Variants in ADCY9 observed in about 807,000 individuals in gnomAD.
The protein encoded by ADCY9 is adenylate cyclase 9.
In ADCY9, 50 loss-of-function variants were observed where a neutral mutation model predicts 101.5. That is an observed-to-expected ratio of 0.49 (90% confidence interval 0.39 to 0.62). ADCY9 has a LOEUF of 0.62. Among genes scored for constraint, ADCY9 ranks in the 20% least tolerant of loss-of-function variants. The pLI is 0.00. For missense variants in ADCY9, 1,662 were observed against 1,800.4 expected, an observed-to-expected ratio of 0.92 and a Z score of 1.39; for synonymous variants, 905 against 769.3, an observed-to-expected ratio of 1.18 and a Z score of -2.92.
At chr16:4,089,760 CCTCCAGCAGGTA>C (rs2056961746) in intron 2 of ADCY9, among the ~76,000 whole-genome samples, 2 of 152,012 alleles carry the variant, frequency 1.3e-5, no homozygotes, top group Non-Finnish European at 2.9e-5. Flanking sequence ...ACATCTTCAA[CCTCCAGCAGGTA>C]CTCCAAAATT....
chr16:4,018,643 G>A (rs1404099030), intron 2 of ADCY9, among the ~76,000 whole-genome samples: 1 of 152,178 alleles, frequency 6.6e-6, no homozygotes, highest in African/African-American at 2.4e-5. Flanking sequence ...ACAGGCACAT[G>A]CTTGCTGTGA....
chr16:4,061,598 A>T (rs1209010947), intron 2 of ADCY9, among the ~76,000 whole-genome samples: 2 of 152,212 alleles, frequency 1.3e-5, no homozygotes, highest in Admixed American at 1.3e-4. Context: ...TCCAATCAAG[A>T]ATTCCATATC....
chr16:3,979,250 T>C lies in ADCY9; in HGVS notation c.2545A>G (p.Met849Val). 6.2e-7 allele frequency: 1 copy of C among 1,613,914 alleles called. No individual in the cohort carries two copies. The highest frequency in any genetic ancestry group is 8.5e-7 in the Non-Finnish European group (1 of 1,179,950). Residue 849 changes from methionine to valine, a missense_variant, in exon 8 of 11, where the codon ATG becomes GTG. Transcript: ENST00000294016. ...TCCAGCAGGCGCTTGGTGCAGGCCATGACGTCCTCCAGGAAGAACACCATC... is the reference window on the plus strand; with the variant it reads ...TCCAGCAGGCGCTTGGTGCAGGCCACGACGTCCTCCAGGAAGAACACCATC... ...IRMVFFLEDVMACTKRLLEWI... is the reference protein window; with the variant it reads ...IRMVFFLEDVVACTKRLLEWI...
Position 3,956,657 on chromosome 16 carries a change from AT to A in ADCY9, c.568-3142del, listed in dbSNP as rs71394630. On this transcript the variant is annotated intron_variant, in intron 5 of 5. Coordinates refer to the ADCY9 transcript ENST00000576936. ...AGGTGCATGCCACCACACCTGGCTA[AT>A]TTTTTTTTTTTTTTCTAGTAGAAGC... 2.8e-3 allele frequency among the ~76,000 whole-genome samples: 391 copies of A among 139,584 alleles called. 1 individual carries two copies. Among genetic ancestry groups the A allele is most frequent in the South Asian group, 0.026 (111 of 4,310 alleles). The allele number at this position is 139,584 out of a possible 152,430, so 91.6% of individuals were successfully genotyped here.
chr16:3,959,549 A>G (rs1418448016), downstream of ADCY9, among the ~76,000 whole-genome samples: 1 of 152,146 alleles, frequency 6.6e-6, no homozygotes, highest in African/African-American at 2.4e-5. Flanking sequence ...AAACCTAAGT[A>G]AAGGGAGTTT....
intron 2 of ADCY9, among the ~76,000 whole-genome samples, chr16:4,024,555 C>A (rs1215384835): frequency 2.3e-4 from 35 of 152,176 alleles, no homozygotes; most frequent in Non-Finnish European, 4.4e-5. Context: ...TCCAGGATCC[C>A]ACGCGGCTGG....
chr16:3,972,372 G>A (rs915078222), intron 10 of ADCY9, among the ~76,000 whole-genome samples: 1 of 151,944 alleles, frequency 6.6e-6, no homozygotes, highest in Non-Finnish European at 1.5e-5. Flanking sequence ...TGGGATTACA[G>A]GTGCCCGCCA....
intron 2 of ADCY9, among the ~76,000 whole-genome samples, chr16:4,037,994 C>T (rs761282109): frequency 2.0e-5 from 3 of 151,736 alleles, no homozygotes; most frequent in Non-Finnish European, 4.4e-5. Flanking sequence ...TGGGGTCTTA[C>T]TGGCACAGTG....
At chr16:4,037,232 C>T (rs1278017198) in intron 2 of ADCY9, among the ~76,000 whole-genome samples, 3 of 152,132 alleles carry the variant, frequency 2.0e-5, no homozygotes, top group East Asian at 3.8e-4. Flanking sequence ...GTGGGAGGAT[C>T]ATTTGAGCCC....
chr16:4,005,658 T>G (rs1359930473), intron 3 of ADCY9, among the ~76,000 whole-genome samples: 1 of 152,122 alleles, frequency 6.6e-6, no homozygotes, highest in African/African-American at 2.4e-5. Context: ...ATGACTAGAG[T>G]GCAATGTAGT....
intron 2 of ADCY9, among the ~76,000 whole-genome samples, chr16:4,020,578 T>C (rs1002744941): frequency 3.3e-5 from 5 of 152,138 alleles, no homozygotes; most frequent in African/African-American, 1.2e-4. Flanking sequence ...TCCCAGCACT[T>C]TGAGAGGCTG....
At chr16:4,105,940 C>A (rs1342916782) in intron 2 of ADCY9, among the ~76,000 whole-genome samples, 1 of 152,126 alleles carries the variant, frequency 6.6e-6, no homozygotes, top group Non-Finnish European at 1.5e-5. Flanking sequence ...ACTGTCGGGG[C>A]CCAGCATTTC....
intron 3 of ADCY9, among the ~76,000 whole-genome samples, chr16:4,006,151 G>C (rs1272339146): frequency 2.6e-5 from 4 of 152,190 alleles, no homozygotes; most frequent in East Asian, 1.9e-4. Context: ...GCCATGTCTG[G>C]AGACATTTTT....
chr16:4,104,071 C>T (rs1465043031), intron 2 of ADCY9, among the ~76,000 whole-genome samples: 1 of 152,168 alleles, frequency 6.6e-6, no homozygotes, highest in Non-Finnish European at 1.5e-5. Flanking sequence ...TACACGTGAC[C>T]TACAGACAAA....
At position 3,965,698 on chromosome 16, in the gene ADCY9, G is replaced by C. The variant is rs1387699058; in HGVS notation, c.*77C>G. The C allele has an allele frequency of 1.4e-6, 2 of 1,405,030 alleles. No homozygotes were observed. The highest frequency in any genetic ancestry group is 1.4e-5 in the African/African-American group (1 of 70,264). The allele number at this position is 1,405,030 out of a possible 1,614,324, so 87.0% of individuals were successfully genotyped here. ...TCCGGGGAGGGCAACTGTGGCGCTT[G>C]GAAAGCACAACAGCCAAATACAAAT... On this transcript the variant is annotated 3_prime_UTR_variant, in exon 11 of 11. Coordinates refer to ENST00000294016, the MANE Select transcript of ADCY9 (RefSeq NM_001116.4).
At chr16:3,995,100 C>T (rs1418270253) in intron 3 of ADCY9, among the ~76,000 whole-genome samples, 1 of 152,146 alleles carries the variant, frequency 6.6e-6, no homozygotes, top group Non-Finnish European at 1.5e-5. Flanking sequence ...TACCTCAGTT[C>T]CCTCATCTAT....
rs1567147096 is a variant in ADCY9, at chr16:4,097,557, T to TATATATACA, written c.1693+16192_1693+16193insTGTATATAT. Among the ~76,000 whole-genome samples, 75 of 79,662 alleles carry TATATATACA rather than the reference T, an allele frequency of 9.4e-4. 1 individual carries two copies. The highest frequency in any genetic ancestry group is 5.5e-3 in the African/African-American group (71 of 12,920). The allele number at this position is 79,662 out of a possible 152,430, so 52.3% of individuals were successfully genotyped here. A position where few individuals can be genotyped will look rare whatever the true frequency, so the allele number is the denominator to read the frequency against. On this transcript the variant is annotated intron_variant, in intron 2 of 10. Coordinates refer to ENST00000294016, the MANE Select transcript of ADCY9 (RefSeq NM_001116.4). Reference sequence around the variant, plus strand: ...TATATATATATATATATATATATTTTTTTTTTTTTTTTTTAAGACAGAGTC... The same window carrying TATATATACA: ...TATATATATATATATATATATATTTTATATATACATTTTTTTTTTTTTTAAGACAGAGTC...
chr16:4,019,678 A>G (rs906046045), intron 2 of ADCY9, among the ~76,000 whole-genome samples: 8 of 152,106 alleles, frequency 5.3e-5, no homozygotes, highest in African/African-American at 1.9e-4. Context: ...CCCTGGAAAA[A>G]CCACTGTTGT....
intron 3 of ADCY9, among the ~76,000 whole-genome samples, chr16:3,996,918 G>A (rs1304392156): frequency 6.6e-6 from 1 of 152,148 alleles, no homozygotes; most frequent in African/African-American, 2.4e-5. Flanking sequence ...AGGCTGGAGT[G>A]CAGTGGGGAG....
Sources: gnomAD v4.1 joint callset for allele counts (sites outside exome capture counted in the v4.1 genomes callset) on GRCh38, gnomAD v4.1.1 for gene constraint, MANE v1.5 for transcripts, NCBI Gene and HGNC (gene_info 2026-07-23, HGNC 2026-07-21) for gene names.